The following DPH6 variants were observed in gnomAD, a reference collection of about 807,000 sequenced individuals.
DPH6 encodes the protein diphthine--ammonia ligase.
Under a neutral mutation model 38.2 loss-of-function variants are expected in DPH6, and 33 were observed. That is an observed-to-expected ratio of 0.86 (90% CI 0.65 to 1.15). The LOEUF (loss-of-function observed/expected upper bound fraction) is 1.15. DPH6 is among the 50% of genes most tolerant of loss of function. DPH6 has a pLI of 0.00. For synonymous variants in DPH6, 108 were observed against 103.0 expected (o/e 1.05, Z -0.30); for missense variants, 325 against 320.0 (o/e 1.02, Z -0.12).
the DPH6 span, among the ~76,000 whole-genome samples, chr15:35,185,881 C>T: frequency 7.9e-5 from 12 of 151,412 alleles, no homozygotes; most frequent in South Asian, 2.1e-4. Flanking sequence ...TACGGGCGCC[C>T]GCCACCACGC....
chr15:35,519,279 C>CTT (rs2054888968), intron 3 of DPH6: 1 of 151,952 alleles, frequency 6.6e-6, no homozygotes, highest in East Asian at 1.9e-4. Flanking sequence ...TCATGTATAA[C>CTT]GACTGGGTTT....
downstream of DPH6, among the ~76,000 whole-genome samples, chr15:35,366,179 C>T (rs1595503029): frequency 6.6e-6 from 1 of 151,628 alleles, no homozygotes; most frequent in East Asian, 1.9e-4. Context: ...AGCAAATTCC[C>T]ATGCACAACA....
At chr15:35,388,832 T>G (rs2053010319) in intron 6 of DPH6, among the ~76,000 whole-genome samples, 1 of 152,246 alleles carries the variant, frequency 6.6e-6, no homozygotes, top group Admixed American at 6.5e-5. Flanking sequence ...TTTTTGTGTC[T>G]CTATTTCCTT....
chr15:35,243,745 C>T (rs1388821476), intron 3 of DPH6, among the ~76,000 whole-genome samples: 1 of 151,766 alleles, frequency 6.6e-6, no homozygotes, highest in Non-Finnish European at 1.5e-5. Context: ...ACTCTCTTTT[C>T]GGACTCAGCC....
chr15:35,475,411 T>C, intron 3 of DPH6, among the ~76,000 whole-genome samples: 1 of 151,978 alleles, frequency 6.6e-6, no homozygotes, highest in East Asian at 1.9e-4. Flanking sequence ...TCTGAAATCA[T>C]AAAATTGAGA....
the DPH6 span, among the ~76,000 whole-genome samples, chr15:35,172,429 G>C: frequency 6.6e-6 from 1 of 152,092 alleles, no homozygotes; most frequent in African/African-American, 2.4e-5. Context: ...AGAGCATGTC[G>C]GATTTTAAAT....
intron 8 of DPH6, 65 bp from the exon 9 acceptor site, chr15:35,372,268 G>A: frequency 7.9e-7 from 1 of 1,270,930 alleles, no homozygotes; most frequent in Non-Finnish European, 1.1e-6. Flanking sequence ...CAGTGAATAT[G>A]ACACTTCAAA....
At chr15:35,509,029 T>A (rs1027130924) in intron 3 of DPH6, among the ~76,000 whole-genome samples, 1 of 152,234 alleles carries the variant, frequency 6.6e-6, no homozygotes, top group Non-Finnish European at 1.5e-5. Context: ...TATGTTTGTT[T>A]CATTTTTATG....
At chr15:35,294,359 G>A (rs1333136911) in intron 3 of DPH6, among the ~76,000 whole-genome samples, 1 of 152,124 alleles carries the variant, frequency 6.6e-6, no homozygotes, top group African/African-American at 2.4e-5. Flanking sequence ...TCCCTCTGGC[G>A]ATTACTGTTG....
intron 3 of DPH6, among the ~76,000 whole-genome samples, chr15:35,272,754 A>G (rs1187518439): frequency 6.6e-6 from 1 of 152,010 alleles, no homozygotes; most frequent in African/African-American, 2.4e-5. Flanking sequence ...CCAAAAATAG[A>G]AAAATTAGCT....
chr15:35,417,279 T>A (rs1282218608), intron 5 of DPH6, among the ~76,000 whole-genome samples: 1 of 151,996 alleles, frequency 6.6e-6, no homozygotes, highest in Non-Finnish European at 1.5e-5. Flanking sequence ...AAAAAACAGA[T>A]CTTTTTAGTG....
intron 1 of DPH6, among the ~76,000 whole-genome samples, chr15:35,543,463 G>A (rs1474918751): frequency 6.6e-6 from 1 of 151,696 alleles, no homozygotes; most frequent in Non-Finnish European, 1.5e-5. Context: ...ATATGCTATT[G>A]TAATTTAATA....
chr15:35,502,278 A>C (rs1456677763), intron 3 of DPH6, among the ~76,000 whole-genome samples: 1 of 152,048 alleles, frequency 6.6e-6, no homozygotes, highest in Non-Finnish European at 1.5e-5. Flanking sequence ...TCATAATGCT[A>C]TTCTATTCTC....
At chr15:35,540,833 T>C (rs1408741641) in intron 2 of DPH6, among the ~76,000 whole-genome samples, 3 of 152,092 alleles carry the variant, frequency 2.0e-5, no homozygotes. Context: ...GAAAACAAGA[T>C]AGAAACTCCA....
intron 6 of DPH6, among the ~76,000 whole-genome samples, chr15:35,390,023 T>C (rs969768469): frequency 1.8e-4 from 27 of 152,322 alleles, no homozygotes; most frequent in African/African-American, 6.3e-4. Flanking sequence ...AGGAGCTCTT[T>C]TAGGGCAGGC....
At chr15:35,511,490 G>A (rs1183995955) in intron 3 of DPH6, among the ~76,000 whole-genome samples, 1 of 152,020 alleles carries the variant, frequency 6.6e-6, no homozygotes, top group African/African-American at 2.4e-5. Flanking sequence ...AAAGAATAGG[G>A]GGAGAATGGA....
At chr15:35,441,244 CA>C (rs1451128679) in intron 5 of DPH6, among the ~76,000 whole-genome samples, 1 of 152,150 alleles carries the variant, frequency 6.6e-6, no homozygotes, top group East Asian at 1.9e-4. Flanking sequence ...TGGTGGAAGA[CA>C]ATGTGGCAAT....
chr15:35,279,153 T>C (rs1234264347), intron 3 of DPH6, among the ~76,000 whole-genome samples: 2 of 151,458 alleles, frequency 1.3e-5, no homozygotes, highest in South Asian at 2.1e-4. Flanking sequence ...CTATTGCCCC[T>C]TTTTTTGGGG....
At chr15:35,544,229 C>A (rs946099856) in intron 1 of DPH6, among the ~76,000 whole-genome samples, 1 of 151,974 alleles carries the variant, frequency 6.6e-6, no homozygotes, top group Admixed American at 6.6e-5. Flanking sequence ...AATGGTCTGC[C>A]TGGATAATCC....
Sources: gnomAD v4.1 joint callset for allele counts (sites outside exome capture counted in the v4.1 genomes callset) on GRCh38, gnomAD v4.1.1 for gene constraint, MANE v1.5 for transcripts, NCBI Gene and HGNC (gene_info 2026-07-23, HGNC 2026-07-21) for gene names.